Variants in C2 observed in about 807,000 individuals in gnomAD.
C2 encodes C3/C5 convertase.
Under a neutral mutation model 85.2 loss-of-function variants are expected in C2, and 64 were observed. That is an observed-to-expected ratio of 0.75 (90% CI 0.61 to 0.92). The LOEUF is 0.92. C2 is among the 40% of genes least tolerant of loss of function. C2 has a pLI of 0.00. For synonymous variants in C2, 311 were observed against 370.8 expected, an observed-to-expected ratio of 0.84 and a Z score of 1.85; for missense variants, 820 against 971.6, an observed-to-expected ratio of 0.84 and a Z score of 2.07.
chr6:31,914,417 C>T (rs1376437778), intron 1 of C2, among the ~76,000 whole-genome samples: 2 of 147,768 alleles, frequency 1.4e-5, no homozygotes, highest in African/African-American at 2.5e-5. Flanking sequence ...ATGGTGAAAC[C>T]CCATCTCTAC....
upstream of C2, chr6:31,900,448 G>T: frequency 6.4e-7 from 1 of 1,571,090 alleles, no homozygotes; most frequent in East Asian, 2.4e-5. The surrounding 1 kb of genome is among the most constrained non-coding windows in gnomAD (Gnocchi z 9.7). Flanking sequence ...CCCCCACGCT[G>T]GCCCGGCCTC....
intron 9 of C2, among the ~76,000 whole-genome samples, chr6:31,940,955 G>C (rs982724384): frequency 2.0e-5 from 3 of 152,204 alleles, no homozygotes; most frequent in Non-Finnish European, 4.4e-5. Context: ...GGGTGCAAAG[G>C]CTGGGAGAGG....
chr6:31,940,256 C>T (rs1262933350), intron 9 of C2, among the ~76,000 whole-genome samples: 1 of 152,174 alleles, frequency 6.6e-6, no homozygotes, highest in African/African-American at 2.4e-5. Flanking sequence ...GCCTGCCTGG[C>T]ATAGAAAAAT....
intron 1 of C2, among the ~76,000 whole-genome samples, chr6:31,912,845 A>AG (rs1768208922): frequency 5.8e-5 from 3 of 52,102 alleles, no homozygotes; most frequent in Non-Finnish European, 9.7e-5. Context: ...ATCTCAAAAA[A>AG]GAAAAAAAAA....
intron 1 of C2, among the ~76,000 whole-genome samples, chr6:31,903,131 C>G (rs757283596): frequency 2.0e-5 from 3 of 152,220 alleles, no homozygotes; most frequent in Non-Finnish European, 4.4e-5. Flanking sequence ...ACACCCACTT[C>G]CCCACCTATC....
chr6:31,914,094 G>A (rs1768316980), intron 1 of C2, among the ~76,000 whole-genome samples: 1 of 151,528 alleles, frequency 6.6e-6, no homozygotes, highest in Admixed American at 6.6e-5. Flanking sequence ...GTTAAGTTTT[G>A]TATTCACCGT....
exon 1 of C2, chr6:31,901,006 G>A: frequency 1.9e-6 from 3 of 1,614,188 alleles, no homozygotes; most frequent in Non-Finnish European, 2.5e-6. Flanking sequence ...GGTAGTTGAC[G>A]ATGTCCCTAA....
intron 1 of C2, chr6:31,901,406 T>G: frequency 7.7e-7 from 1 of 1,298,338 alleles, no homozygotes; most frequent in Middle Eastern, 2.7e-4. Flanking sequence ...CCCCCATTCT[T>G]GCCCAGCCCC....
chr6:31,934,306 A>C lies in C2; in HGVS notation c.849+7A>C. On this transcript the variant is annotated splice_region_variant and intron_variant, in intron 6 of 17. Transcript: ENST00000299367. Reference sequence around the variant, plus strand: ...CTCCCTCATGGTGGACAGGGTCAGGAATCAGGAGTCTGCCTGCAGCAGAGG... The same window carrying C: ...CTCCCTCATGGTGGACAGGGTCAGGCATCAGGAGTCTGCCTGCAGCAGAGG... The C allele has an allele frequency of 6.3e-7, 1 of 1,594,016 alleles. No homozygotes were observed.
chr6:31,899,902 C>A, upstream of C2: 1 of 1,549,486 alleles, frequency 6.5e-7, no homozygotes, highest in South Asian at 1.2e-5. Flanking sequence ...GGGCCCCAGC[C>A]TCCTGGCCTC....
chr6:31,897,792 C>A (rs1407806767), upstream of C2: 2 of 989,176 alleles, frequency 2.0e-6, no homozygotes, highest in Non-Finnish European at 2.5e-6. Flanking sequence ...GGCCATTTTC[C>A]CCTGAGAGCG....
At chr6:31,937,248 A>C (rs993021352) in intron 7 of C2, 71 bp from the exon 8 acceptor site, 29 of 1,477,354 alleles carry the variant, frequency 2.0e-5, no homozygotes, top group Non-Finnish European at 2.6e-5. Context: ...TTGGGGGAAT[A>C]GAGTGATTCC....
Position 31,944,299 on chromosome 6 carries a change from G to A in C2, c.1902+73G>A. On this transcript the variant is annotated intron_variant, in intron 15 of 17. Coordinates refer to ENST00000299367, the MANE Select transcript of C2 (RefSeq NM_000063.6). The surrounding 1 kb of genome is among the most constrained non-coding windows in gnomAD (Gnocchi z 5.1). ...CAGAATGTCTCTCTTCCTTCTCCAGGTCTGGCTGCTTTCTCTCTCTGACGC... is the reference window on the plus strand; with the variant it reads ...CAGAATGTCTCTCTTCCTTCTCCAGATCTGGCTGCTTTCTCTCTCTGACGC... The A allele has an allele frequency of 9.1e-7, 1 of 1,099,602 alleles. No individual in the cohort carries two copies. The highest frequency in any genetic ancestry group is 2.1e-4 in the Middle Eastern group (1 of 4,822). The allele number at this position is 1,099,602 out of a possible 1,614,324, so 68.1% of individuals were successfully genotyped here. A position where few individuals can be genotyped will look rare whatever the true frequency, so the allele number is the denominator to read the frequency against.
Position 31,943,624 on chromosome 6 carries a change from A to C in C2, c.1568-20A>C, listed in dbSNP as rs773209279. On this transcript the variant is annotated intron_variant, in intron 12 of 17. Transcript: ENST00000299367. This position sits in a 1 kb window ranked among gnomAD's most constrained non-coding sequence, Gnocchi z 6.4. ...CCTGCAGGAGCCCTGGTCTAGCCTA[A>C]TCTAGTGTATCATTTCCAGGAGACC... is the stretch of plus-strand genomic sequence containing the variant. 6 of 1,612,850 alleles carry C rather than the reference A, an allele frequency of 3.7e-6. No homozygotes were observed. The highest frequency in any genetic ancestry group is 1.6e-4 in the Middle Eastern group (1 of 6,062).
intron 8 of C2, among the ~76,000 whole-genome samples, chr6:31,938,498 A>ATATATG (rs1554281958): frequency 1.4e-5 from 2 of 146,918 alleles, no homozygotes; most frequent in African/African-American, 5.0e-5. Context: ...ATATATATAT[A>ATATATG]TTTATTTTTT....
intron 9 of C2, among the ~76,000 whole-genome samples, chr6:31,942,656 G>A (rs984661206): frequency 5.3e-5 from 8 of 152,160 alleles, no homozygotes; most frequent in Admixed American, 2.6e-4. Flanking sequence ...AAAAAGGTAC[G>A]AAAGTGAGCC....
At chr6:31,936,182 C>T (rs41267098) in intron 7 of C2, 121 bp downstream of exon 7, 9 of 1,088,190 alleles carry the variant, frequency 8.3e-6, no homozygotes, top group South Asian at 4.0e-5. Flanking sequence ...CTGAGTCCCA[C>T]GAGTCTGGGG....
At chr6:31,916,558 C>CAA (rs9279453), upstream of C2, among the ~76,000 whole-genome samples, 6 of 81,070 alleles carry the variant, frequency 7.4e-5, no homozygotes, top group African/African-American at 2.6e-4. Flanking sequence ...GACTCCGTCT[C>CAA]AAAAAAAAAA....
intron 1 of C2, among the ~76,000 whole-genome samples, chr6:31,912,322 C>T (rs1768170524): frequency 1.3e-5 from 2 of 152,334 alleles, no homozygotes; most frequent in South Asian, 4.1e-4. Flanking sequence ...GCTCCTCTTA[C>T]TTGAGCTTTC....
Sources: allele counts gnomAD v4.1 joint callset (sites outside exome capture counted in the v4.1 genomes callset), GRCh38; gene constraint gnomAD v4.1.1; non-coding constraint Gnocchi (gnomAD v3.1); transcripts MANE v1.5; gene names NCBI Gene and HGNC (gene_info 2026-07-23, HGNC 2026-07-21).